RPE65: variants seen among roughly 807,000 people sequenced by gnomAD.
RPE65 encodes the protein retinoid isomerohydrolase.
Under a neutral mutation model 68.5 loss-of-function variants are expected in RPE65, and 58 were observed. The ratio of observed to expected loss-of-function variants is 0.85; its 90% CI spans 0.69 to 1.05. The LOEUF (loss-of-function observed/expected upper bound fraction) is 1.05. RPE65 is among the 50% of genes least tolerant of loss of function. The pLI, the probability that RPE65 is intolerant of heterozygous loss-of-function variation, is 0.00. For synonymous variants in RPE65, 220 were observed against 222.2 expected, an observed-to-expected ratio of 0.99 and a Z score of 0.09; for missense variants, 643 against 629.9, an observed-to-expected ratio of 1.02 and a Z score of -0.22.
Position 68,446,992 on chromosome 1 carries a change from T to A in RPE65, c.95-132A>T, listed in dbSNP as rs1047814568. 4 of 1,230,982 alleles carry A rather than the reference T, an allele frequency of 3.2e-6. No homozygotes were observed. In the Admixed American group the frequency reaches 7.2e-5, roughly 22 times the overall value. The allele number at this position is 1,230,982 out of a possible 1,614,324, so 76.3% of individuals were successfully genotyped here. On this transcript the variant is annotated intron_variant, in intron 2 of 13. Coordinates refer to ENST00000262340, the MANE Select transcript of RPE65 (RefSeq NM_000329.3). The stretch of plus-strand genomic sequence containing the variant: ...CATAGAGCTGGCAGTGATTTTCATT[T>A]CCAGCCCTCGCGCTGGACAGCACTT...
chr1:68,431,736 G>A (rs945504952), intron 10 of RPE65, 151 bp from the exon 11 acceptor site: 54 of 706,772 alleles, frequency 7.6e-5, no homozygotes, highest in South Asian at 4.4e-4. Flanking sequence ...ACCCTGGGAC[G>A]CGACTGGGCA....
chr1:68,445,077 C>T (rs898688409), intron 3 of RPE65, among the ~76,000 whole-genome samples, 194 bp from the exon 4 acceptor site: 3 of 152,112 alleles, frequency 2.0e-5, no homozygotes, highest in Non-Finnish European at 4.4e-5. Flanking sequence ...CTTGAGTTTA[C>T]GTTTTTATCT....
At chr1:68,444,365 A>G (rs528109377) in intron 5 of RPE65, among the ~76,000 whole-genome samples, 166 bp downstream of exon 5, 1 of 152,352 alleles carries the variant, frequency 6.6e-6, no homozygotes, top group East Asian at 1.9e-4. Context: ...GCAGGAAAGC[A>G]TCATAGACAG....
rs373652862 is a variant in RPE65, at chr1:68,439,303, T to C, written c.746A>G (p.Tyr249Cys). Residue 249 changes from tyrosine to cysteine, a missense_variant, in exon 8 of 14, where the codon TAT (tyrosine) becomes TGT (cysteine). Transcript: ENST00000262340. ...YVHSFGLTPNYIVFVETPVKI... is the reference protein window; with the variant it reads ...YVHSFGLTPNCIVFVETPVKI... ...GACTGGTGTCTCCACAAAAACGATA[T>C]AGTTGGGAGTCAGACCAAAACTGTT... The C allele has an allele frequency of 1.2e-5, 19 of 1,613,630 alleles. 1 individual carries two copies. The South Asian group carries it at 1.9e-4, about 16-fold the overall frequency.
intron 12 of RPE65, 23 bp from the exon 13 acceptor site, chr1:68,431,199 AATCAAGCAATCAGTCAAT>A: frequency 6.2e-7 from 1 of 1,611,276 alleles, no homozygotes; most frequent in Non-Finnish European, 8.5e-7. Context: ...AAGAAAAATC[AATCAAGCAATCAGTCAAT>A]ATGCTTTACT....
chr1:68,444,333 T>C (rs1645925799), intron 5 of RPE65, among the ~76,000 whole-genome samples, 198 bp downstream of exon 5: 1 of 152,230 alleles, frequency 6.6e-6, no homozygotes, highest in Non-Finnish European at 1.5e-5. Flanking sequence ...TCTCATGTTC[T>C]TTTCACCAAA....
chr1:68,436,342 G>A (rs1402027751), intron 10 of RPE65, among the ~76,000 whole-genome samples: 1 of 152,094 alleles, frequency 6.6e-6, no homozygotes, highest in Non-Finnish European at 1.5e-5. Context: ...ATGTACAGCA[G>A]CTGCCTATGG....
At chr1:68,433,384 A>G (rs546222539) in intron 10 of RPE65, among the ~76,000 whole-genome samples, 1 of 152,048 alleles carries the variant, frequency 6.6e-6, no homozygotes, top group Non-Finnish European at 1.5e-5. Flanking sequence ...GAGAATTGGG[A>G]GAGTGATTTC....
chr1:68,444,464 T>A, intron 5 of RPE65, 67 bp downstream of exon 5: 1 of 1,582,882 alleles, frequency 6.3e-7, no homozygotes, highest in Non-Finnish European at 8.7e-7. Flanking sequence ...GCATGAATAA[T>A]TTATGTTGAA....
At chr1:68,438,158 A>C in intron 10 of RPE65, 29 bp downstream of exon 10, 6 of 1,613,152 alleles carry the variant, frequency 3.7e-6, no homozygotes, top group Non-Finnish European at 5.1e-6. Context: ...ATTCTGGTTA[A>C]ATCTGAAATC....
chr1:68,439,069 T>G lies in RPE65; in HGVS notation c.871A>C (p.Ile291Leu). 1 of 1,614,044 alleles carries G rather than the reference T, an allele frequency of 6.2e-7. No homozygotes were observed. Among genetic ancestry groups the G allele is most frequent in the African/African-American group, 1.3e-5 (1 of 75,020 alleles). ...SNETMGVWLH[I>L]ADKKRKKYLN... ...TACTTTTTCCTTTTTTTGTCAGCAA[T>G]ATGAAGCCAAACCTTGAAAAATGAG... Residue 291 changes from isoleucine (I) to leucine (L), a missense_variant, in exon 9 of 14, where the codon ATT (isoleucine) becomes CTT (leucine). Physicochemically the swap from Ile to Leu is conservative, Grantham distance 5 (BLOSUM62 2). Transcript: ENST00000262340.
At position 68,440,716 on chromosome 1, in the gene RPE65, G is replaced by A. The variant is rs1645896253; in HGVS notation, c.643+137C>T. On this transcript the variant is annotated intron_variant, in intron 6 of 13. Coordinates refer to ENST00000262340, the MANE Select transcript of RPE65 (RefSeq NM_000329.3). The stretch of plus-strand genomic sequence containing the variant: ...AGGCCCCTTATAGGGTAGGGATGAG[G>A]GCAGTACTTCTGAAGTCTGAGAGTA... The A allele has an allele frequency of 9.2e-6, 10 of 1,089,790 alleles. No individual in the cohort carries two copies. In the South Asian group the frequency reaches 1.4e-4, roughly 16 times the overall value. 67.5% of individuals were successfully genotyped at this position (1,089,790 alleles called of 1,614,324 possible). A position where few individuals can be genotyped will look rare whatever the true frequency, so the allele number is the denominator to read the frequency against.
chr1:68,437,899 G>A (rs550991239), intron 10 of RPE65, among the ~76,000 whole-genome samples: 3 of 152,136 alleles, frequency 2.0e-5, no homozygotes, highest in Admixed American at 6.5e-5. Context: ...ACTATTCACC[G>A]AGGAAGTATA....
chr1:68,449,880 C>T lies in RPE65; in HGVS notation c.11+15G>A, dbSNP rs781416649. On this transcript the variant is annotated intron_variant, in intron 1 of 13. Transcript: ENST00000262340. ...CCATGAAGGTGTTTTAAAAAAGTCT[C>T]CCAGAGATACTTACTGGATAGACAT... 1 of 1,613,982 alleles carries T rather than the reference C, an allele frequency of 6.2e-7. No individual in the cohort carries two copies. The highest frequency in any genetic ancestry group is 8.5e-7 in the Non-Finnish European group (1 of 1,179,870).
At chr1:68,447,438 G>C (rs932219122) in intron 2 of RPE65, among the ~76,000 whole-genome samples, 3 of 152,142 alleles carry the variant, frequency 2.0e-5, no homozygotes, top group African/African-American at 7.2e-5. Flanking sequence ...TTGGATGTCA[G>C]GGACATGACT....
chr1:68,445,600 G>T (rs188270712), intron 3 of RPE65, among the ~76,000 whole-genome samples: 1 of 151,980 alleles, frequency 6.6e-6, no homozygotes, highest in Non-Finnish European at 1.5e-5. Flanking sequence ...TGCAACCTCC[G>T]CCTCCTGGGT....
intron 10 of RPE65, among the ~76,000 whole-genome samples, chr1:68,437,687 A>G (rs1015835714): frequency 6.6e-6 from 1 of 152,202 alleles, no homozygotes; most frequent in Non-Finnish European, 1.5e-5. Context: ...AGGGAAGAAA[A>G]AGTAGAAATA....
chr1:68,431,026 G>T (rs1423238494), intron 13 of RPE65, 39 bp downstream of exon 13: 1 of 1,511,502 alleles, frequency 6.6e-7, no homozygotes, highest in Admixed American at 1.7e-5. Flanking sequence ...CAGAACTGCA[G>T]TAAGAAGAGT....
chr1:68,438,073 T>A, intron 10 of RPE65, 114 bp downstream of exon 10: 6 of 1,297,308 alleles, frequency 4.6e-6, no homozygotes, highest in Middle Eastern at 1.9e-4. Flanking sequence ...TTTTTAAAGC[T>A]CCTTCTAGCT....
Sources: gnomAD v4.1 joint callset for allele counts (sites outside exome capture counted in the v4.1 genomes callset) on GRCh38, gnomAD v4.1.1 for gene constraint, MANE v1.5 for transcripts, NCBI Gene and HGNC (gene_info 2026-07-23, HGNC 2026-07-21) for gene names.